The following ADAMTS20 variants were observed in gnomAD, a reference collection of about 807,000 sequenced individuals.
ADAMTS20 encodes A disintegrin and metalloproteinase with thrombospondin motifs 20.
ADAMTS20 carries 225 observed loss-of-function variants against 260.1 expected under a neutral mutation model. The ratio of observed to expected loss-of-function variants is 0.87; its 90% CI spans 0.78 to 0.97. The LOEUF (loss-of-function observed/expected upper bound fraction) is 0.97. Among genes scored for constraint, ADAMTS20 ranks in the 50% least tolerant of loss-of-function variants. The pLI, the probability that ADAMTS20 is intolerant of heterozygous loss-of-function variation, is 0.00. For missense variants in ADAMTS20, 2,400 were observed against 2,337.7 expected, an observed-to-expected ratio of 1.03 and a Z score of -0.55; for synonymous variants, 802 against 769.5, an observed-to-expected ratio of 1.04 and a Z score of -0.70.
intron 28 of ADAMTS20, among the ~76,000 whole-genome samples, chr12:43,416,670 G>GCCA (rs1425059142): frequency 6.6e-6 from 1 of 151,872 alleles, no homozygotes; most frequent in Non-Finnish European, 1.5e-5. Flanking sequence ...ACAGGCGCCC[G>GCCA]CCACCACGCC....
intron 28 of ADAMTS20, among the ~76,000 whole-genome samples, chr12:43,401,741 CT>C (rs5797861): frequency 8.1e-5 from 12 of 147,434 alleles, no homozygotes; most frequent in South Asian, 4.2e-4. Flanking sequence ...TATTTTTATG[CT>C]TTTTTTTTTG....
At chr12:43,363,918 C>T (rs1043406219) in intron 37 of ADAMTS20, among the ~76,000 whole-genome samples, 3 of 152,082 alleles carry the variant, frequency 2.0e-5, no homozygotes, top group Non-Finnish European at 2.9e-5. Flanking sequence ...TTTATGCCCC[C>T]AAAATATTGT....
chr12:43,386,855 T>C (rs554204573), intron 29 of ADAMTS20, among the ~76,000 whole-genome samples: 81 of 152,348 alleles, frequency 5.3e-4, no homozygotes, highest in African/African-American at 1.8e-3. Flanking sequence ...TATGTTCTTC[T>C]CTACACTGGT....
chr12:43,439,377 TA>T, intron 18 of ADAMTS20, among the ~76,000 whole-genome samples: 1 of 152,018 alleles, frequency 6.6e-6, no homozygotes, highest in South Asian at 2.1e-4. Flanking sequence ...AACGGGAAAG[TA>T]AAAGAACAGT....
intron 28 of ADAMTS20, among the ~76,000 whole-genome samples, chr12:43,421,790 C>A (rs1941242903): frequency 6.6e-6 from 1 of 151,858 alleles, no homozygotes; most frequent in African/African-American, 2.4e-5. Flanking sequence ...GTGTTAGTTT[C>A]TAACAAGAAT....
intron 37 of ADAMTS20, among the ~76,000 whole-genome samples, chr12:43,365,625 T>C (rs1310626285): frequency 1.3e-5 from 2 of 151,974 alleles, no homozygotes; most frequent in African/African-American, 4.8e-5. Flanking sequence ...TCTATGAATA[T>C]ACAATTGCTC....
Position 43,443,856 on chromosome 12 carries a change from G to A in ADAMTS20, c.2225C>T (p.Ala742Val). 1 of 1,613,146 alleles carries A rather than the reference G, an allele frequency of 6.2e-7. No homozygotes were observed. The highest frequency in any genetic ancestry group is 8.5e-7 in the Non-Finnish European group (1 of 1,179,354). The change falls in exon 16 of 39, where the codon GCA becomes GTA. Residue 742 changes from alanine (A) to valine (V), a missense_variant. Coordinates refer to ENST00000389420, the MANE Select transcript of ADAMTS20 (RefSeq NM_025003.5). ...ACGAATGTCAACGTTTGTTGCTCCT[G>A]CGGGAATCTTTACAACAACATTATA... The part of the protein sequence containing the change: ...YGYNVVVKIP[A>V]GATNVDIRQY...
At chr12:43,353,450 A>G (rs1592019933), downstream of ADAMTS20, among the ~76,000 whole-genome samples, 1 of 152,024 alleles carries the variant, frequency 6.6e-6, no homozygotes, top group African/African-American at 2.4e-5. Context: ...ACAGAATATT[A>G]ACATTATAAA....
At chr12:43,372,769 T>G (rs1044308428) in intron 36 of ADAMTS20, among the ~76,000 whole-genome samples, 2 of 151,350 alleles carry the variant, frequency 1.3e-5, no homozygotes, top group Non-Finnish European at 2.9e-5. Flanking sequence ...GCATGAAGAG[T>G]TCATCCAGAG....
intron 5 of ADAMTS20, 30 bp from the exon 6 acceptor site, chr12:43,492,659 T>C: frequency 6.2e-7 from 1 of 1,610,370 alleles, no homozygotes; most frequent in Non-Finnish European, 8.5e-7. Context: ...CAATACTATG[T>C]CAAAATATTA....
chr12:43,457,024 C>G (rs1367790559), intron 11 of ADAMTS20, among the ~76,000 whole-genome samples: 1 of 152,180 alleles, frequency 6.6e-6, no homozygotes, highest in Non-Finnish European at 1.5e-5. Flanking sequence ...TACTGACATA[C>G]TGATTCTTTG....
At chr12:43,542,687 A>T (rs1304853038) in intron 2 of ADAMTS20, among the ~76,000 whole-genome samples, 1 of 152,246 alleles carries the variant, frequency 6.6e-6, no homozygotes, top group Non-Finnish European at 1.5e-5. Flanking sequence ...GATTTAAAAT[A>T]AATGCCTTTT....
chr12:43,530,423 T>G (rs1943204241), intron 3 of ADAMTS20, among the ~76,000 whole-genome samples: 1 of 152,182 alleles, frequency 6.6e-6, no homozygotes, highest in African/African-American at 2.4e-5. Context: ...GAAACCCTTA[T>G]GCTCATATTA....
intron 3 of ADAMTS20, among the ~76,000 whole-genome samples, chr12:43,521,610 T>C (rs767410115): frequency 2.6e-5 from 4 of 152,226 alleles, no homozygotes; most frequent in East Asian, 1.9e-4. Context: ...TACATATTTT[T>C]TTAGAAGCTG....
At position 43,532,094 on chromosome 12, in the gene ADAMTS20, T is replaced by C. The variant is rs1371409602; in HGVS notation, c.555A>G (p.Ile185Met). The C allele has an allele frequency of 2.5e-6, 4 of 1,612,618 alleles. No homozygotes were observed. The highest frequency in any genetic ancestry group is 3.3e-4 in the Middle Eastern group (2 of 6,056). Residue 185 changes from isoleucine to methionine, a missense_variant, in exon 3 of 39, where the codon ATA becomes ATG. Physicochemically the swap from Ile to Met is conservative, Grantham distance 10 (BLOSUM62 1). Coordinates refer to ENST00000389420, the MANE Select transcript of ADAMTS20 (RefSeq NM_025003.5). The part of the protein sequence containing the change: ...YEDGHNKPHL[I>M]YRQDLNNSFL... ...AAGAGTTATTTAAGTCTTGTCTGTA[T>C]ATAAGATGTGGCTTGTTGTGACCAT...
At chr12:43,424,104 G>C (rs1441400246) in intron 28 of ADAMTS20, among the ~76,000 whole-genome samples, 1 of 151,956 alleles carries the variant, frequency 6.6e-6, no homozygotes, top group Admixed American at 6.6e-5. Flanking sequence ...AGGCATCAAG[G>C]GTTGGTTATA....
intron 22 of ADAMTS20, among the ~76,000 whole-genome samples, chr12:43,431,070 A>G (rs952663434): frequency 6.6e-6 from 1 of 152,268 alleles, no homozygotes; most frequent in Non-Finnish European, 1.5e-5. Context: ...TAATCTAAAT[A>G]AAGCTGATAA....
chr12:43,376,772 G>C (rs971679710), intron 32 of ADAMTS20, 119 bp from the exon 33 acceptor site: 76 of 1,185,636 alleles, frequency 6.4e-5, no homozygotes, highest in Admixed American at 2.3e-4. Context: ...GTAGTGGCTA[G>C]ATACACAGAA....
intron 7 of ADAMTS20, among the ~76,000 whole-genome samples, chr12:43,483,311 G>A (rs181974003): frequency 6.6e-6 from 1 of 152,250 alleles, no homozygotes; most frequent in Non-Finnish European, 1.5e-5. Flanking sequence ...CCATATTAAG[G>A]AAGCACCCTG....
Sources: allele counts gnomAD v4.1 joint callset (sites outside exome capture counted in the v4.1 genomes callset), GRCh38; gene constraint gnomAD v4.1.1; transcripts MANE v1.5; gene names NCBI Gene and HGNC (gene_info 2026-07-23, HGNC 2026-07-21).